PRKAR2A: variants seen among roughly 807,000 people sequenced by gnomAD.
PRKAR2A encodes protein kinase cAMP-dependent type II regulatory subunit alpha.
PRKAR2A carries 29 observed loss-of-function variants against 51.9 expected under a neutral mutation model. That is an observed-to-expected ratio of 0.56 (90% CI 0.42 to 0.76). The LOEUF (loss-of-function observed/expected upper bound fraction) is 0.76. PRKAR2A is among the 30% of genes least tolerant of loss of function. The pLI is 0.00. For synonymous variants in PRKAR2A, 178 were observed against 186.2 expected, an observed-to-expected ratio of 0.96 and a Z score of 0.36; for missense variants, 445 against 512.1, an observed-to-expected ratio of 0.87 and a Z score of 1.26.
intron 1 of PRKAR2A, among the ~76,000 whole-genome samples, chr3:48,826,247 CAGA>C (rs1180235239): frequency 2.6e-5 from 4 of 152,186 alleles, no homozygotes; most frequent in Non-Finnish European, 5.9e-5. Context: ...GCCTGGGTGA[CAGA>C]AGAAGACCCT....
At chr3:48,839,399 CT>C (rs749050336) in intron 1 of PRKAR2A, among the ~76,000 whole-genome samples, 12 of 141,846 alleles carry the variant, frequency 8.5e-5, no homozygotes, top group African/African-American at 2.6e-4. Flanking sequence ...AAGCTGTTAC[CT>C]AAAAAAAAAA....
rs1004846771 is a variant in PRKAR2A at position 48,773,573 on chromosome 3, C to T, written c.543-465G>A. On this transcript the variant is annotated intron_variant, in intron 5 of 10. Coordinates refer to ENST00000265563, the MANE Select transcript of PRKAR2A (RefSeq NM_004157.4). ...CAGGATGGTCTCGATCTCCTGGCTT[C>T]GTGATCCGCCCGCCTCAGCCTCCTA... 1.3e-4 allele frequency among the ~76,000 whole-genome samples: 20 copies of T among 151,820 alleles called. No individual in the cohort carries two copies. In the South Asian group the frequency reaches 1.9e-3, roughly 14 times the overall value.
chr3:48,829,871 AT>A (rs763726926), intron 1 of PRKAR2A, among the ~76,000 whole-genome samples: 6,221 of 87,594 alleles, frequency 0.071, 326 homozygotes, highest in Non-Finnish European at 0.092. Flanking sequence ...ATATATATAT[AT>A]TTTTTTTTTT....
chr3:48,843,189 T>A lies in PRKAR2A; in HGVS notation c.262+4146A>T, dbSNP rs1288446154. ...TCCATTTCTTCTAGATTTTCTAGTT[T>A]ATTTGCGTAGAGGTGTTTGTAGTAT... On this transcript the variant is annotated intron_variant, in intron 1 of 10. Transcript: ENST00000265563. 4.6e-5 allele frequency among the ~76,000 whole-genome samples: 7 copies of A among 152,224 alleles called. No individual in the cohort carries two copies. The South Asian group carries it at 1.4e-3, about 32-fold the overall frequency.
chr3:48,759,684 G>T (rs958869791), intron 8 of PRKAR2A, among the ~76,000 whole-genome samples: 3 of 152,160 alleles, frequency 2.0e-5, no homozygotes, highest in Admixed American at 2.0e-4. Context: ...ACTGCGCCCG[G>T]CCAAGTATCC....
At chr3:48,756,561 T>G in intron 8 of PRKAR2A, 117 bp from the exon 9 acceptor site, 3 of 754,404 alleles carry the variant, frequency 4.0e-6, no homozygotes, top group Non-Finnish European at 6.7e-6. Flanking sequence ...ACTCTGCAAA[T>G]GAATCAATAG....
At chr3:48,775,820 G>A (rs1348586806) in intron 5 of PRKAR2A, among the ~76,000 whole-genome samples, 4 of 152,096 alleles carry the variant, frequency 2.6e-5, no homozygotes, top group Middle Eastern at 3.4e-3. Context: ...TAAAAATAAT[G>A]ACAGAGGCTG....
intron 2 of PRKAR2A, among the ~76,000 whole-genome samples, chr3:48,799,012 T>C (rs2082542245): frequency 6.6e-6 from 1 of 152,192 alleles, no homozygotes; most frequent in South Asian, 2.1e-4. Flanking sequence ...CTTCCTCTGT[T>C]CCCCTCAATC....
At chr3:48,802,080 T>C (rs906426890) in intron 2 of PRKAR2A, among the ~76,000 whole-genome samples, 6 of 152,158 alleles carry the variant, frequency 3.9e-5, no homozygotes, top group Non-Finnish European at 5.9e-5. Flanking sequence ...CATCTATTTT[T>C]GTATTTTTAG....
At chr3:48,746,353 T>TAAA (rs34195938), downstream of PRKAR2A, among the ~76,000 whole-genome samples, 64 of 68,272 alleles carry the variant, frequency 9.4e-4, no homozygotes, top group African/African-American at 1.7e-3. Context: ...ATCCTGTCAC[T>TAAA]AAAAAAAAAA....
intron 2 of PRKAR2A, among the ~76,000 whole-genome samples, chr3:48,805,158 G>A (rs866027034): frequency 1.3e-5 from 2 of 151,870 alleles, no homozygotes; most frequent in African/African-American, 2.4e-5. Context: ...AGCAATTCTC[G>A]CACCTCAGTC....
At chr3:48,839,825 T>A (rs1297508604) in intron 1 of PRKAR2A, among the ~76,000 whole-genome samples, 1 of 152,196 alleles carries the variant, frequency 6.6e-6, no homozygotes, top group East Asian at 1.9e-4. Flanking sequence ...TATTCTAATG[T>A]CATTGGGTAT....
intron 1 of PRKAR2A, among the ~76,000 whole-genome samples, chr3:48,808,316 A>C (rs1241572370): frequency 6.9e-6 from 1 of 144,946 alleles, no homozygotes. Context: ...TGCAGTGGTG[A>C]CATCTCGGCT....
In PRKAR2A at chr3:48,791,068, C is replaced by T. The variant is rs970288348; in HGVS notation, c.352-441G>A. ...CTTTGGGAGGCCGAGGCAGGCAGAT[C>T]ACGATGTCAGGAGATCGAGACCATC... On this transcript the variant is annotated intron_variant, in intron 3 of 10. Coordinates refer to ENST00000265563, the MANE Select transcript of PRKAR2A (RefSeq NM_004157.4). 2.0e-5 allele frequency among the ~76,000 whole-genome samples: 3 copies of T among 152,030 alleles called. No individual in the cohort carries two copies. The East Asian group carries it at 5.8e-4, about 29-fold the overall frequency.
At chr3:48,845,270 C>T (rs1325873927) in intron 1 of PRKAR2A, among the ~76,000 whole-genome samples, 1 of 152,178 alleles carries the variant, frequency 6.6e-6, no homozygotes, top group African/African-American at 2.4e-5. Flanking sequence ...TTTCTGATTT[C>T]CCAAAAACCC....
At chr3:48,745,464 G>A (rs1317375965), downstream of PRKAR2A, among the ~76,000 whole-genome samples, 2 of 150,960 alleles carry the variant, frequency 1.3e-5, no homozygotes, top group African/African-American at 2.4e-5. Context: ...CTGGGCCACA[G>A]TGTGCCCAGA....
chr3:48,843,139 T>C (rs1255383426), intron 1 of PRKAR2A, among the ~76,000 whole-genome samples: 2 of 152,220 alleles, frequency 1.3e-5, no homozygotes, highest in Non-Finnish European at 2.9e-5. Context: ...CAGTTTAGTC[T>C]TGGGAGAGTG....
intron 1 of PRKAR2A, among the ~76,000 whole-genome samples, chr3:48,829,714 G>A (rs1376632636): frequency 1.9e-4 from 17 of 90,774 alleles, no homozygotes; most frequent in East Asian, 3.5e-4. Flanking sequence ...ATTCTTATAC[G>A]TATATATTTT....
chr3:48,820,499 T>C (rs936586442), intron 1 of PRKAR2A, among the ~76,000 whole-genome samples: 2 of 152,142 alleles, frequency 1.3e-5, no homozygotes, highest in Admixed American at 6.6e-5. Context: ...GAACACTCGA[T>C]TCATATGATA....
Sources: allele counts gnomAD v4.1 joint callset (sites outside exome capture counted in the v4.1 genomes callset), GRCh38; gene constraint gnomAD v4.1.1; transcripts MANE v1.5; gene names NCBI Gene and HGNC (gene_info 2026-07-23, HGNC 2026-07-21).